The following ADRA1A variants were observed in gnomAD, a reference collection of about 807,000 sequenced individuals.
ADRA1A encodes adrenoceptor alpha 1A.
ADRA1A carries 31 observed loss-of-function variants against 29.6 expected under a neutral mutation model. The observed-to-expected ratio is 1.05, with a 90% CI of 0.79 to 1.41. ADRA1A has a LOEUF of 1.41. ADRA1A is among the 40% of genes most tolerant of loss of function. ADRA1A has a pLI of 0.00. For synonymous variants in ADRA1A, 311 were observed against 254.3 expected, an observed-to-expected ratio of 1.22 and a Z score of -2.12; for missense variants, 619 against 601.1, an observed-to-expected ratio of 1.03 and a Z score of -0.31.
rs914970049 is a variant in ADRA1A at position 26,815,615 on chromosome 8, G to C, written c.884-44949C>G. Among the ~76,000 whole-genome samples, 1 of 152,202 alleles carries C rather than the reference G, an allele frequency of 6.6e-6. No individual in the cohort carries two copies. The highest frequency in any genetic ancestry group is 2.4e-5 in the African/African-American group (1 of 41,448). On this transcript the variant is annotated intron_variant, in intron 2 of 2. Coordinates refer to ENST00000380573, the MANE Select transcript of ADRA1A (RefSeq NM_000680.4). This position sits in a 1 kb window ranked among gnomAD's most constrained non-coding sequence, Gnocchi z 4.2. ...AGAGCTAGGCCTTTAGTGAAAGGTAGATGACTAGGAACCTGATCAGTCTCA... is the reference window on the plus strand; with the variant it reads ...AGAGCTAGGCCTTTAGTGAAAGGTACATGACTAGGAACCTGATCAGTCTCA...
exon 3 of ADRA1A, chr8:26,748,597 G>A (rs1437378430): frequency 2.4e-6 from 1 of 418,276 alleles, no homozygotes; most frequent in Admixed American, 2.7e-5. Context: ...AAATTAGCTG[G>A]GCCTGGTGGC....
intron 2 of ADRA1A, among the ~76,000 whole-genome samples, chr8:26,820,655 A>T (rs1810098646): frequency 6.6e-6 from 1 of 152,184 alleles, no homozygotes; most frequent in African/African-American, 2.4e-5. Flanking sequence ...TTGTGGGCAC[A>T]TGCACCATAT....
At position 26,793,042 on chromosome 8, in the gene ADRA1A, A is replaced by G. The variant is rs540461473; in HGVS notation, c.884-22376T>C. On this transcript the variant is annotated intron_variant, in intron 2 of 2. Coordinates refer to ENST00000380573, the MANE Select transcript of ADRA1A (RefSeq NM_000680.4). ...AAATATATACTAAGCCTAGGTAAAA[A>G]AAATAAACTGAGACGGTAATATTAG... is the stretch of plus-strand genomic sequence containing the variant. Among the ~76,000 whole-genome samples the G allele has an allele frequency of 2.0e-5, 3 of 152,084 alleles. No individual in the cohort carries two copies. The South Asian group carries it at 6.2e-4, about 32-fold the overall frequency.
In ADRA1A at chr8:26,833,895, ATAATAGT is replaced by A. The variant is rs143697934; in HGVS notation, c.883+30185_883+30191del. Among the ~76,000 whole-genome samples the A allele has an allele frequency of 2.4e-3, 371 of 152,366 alleles. 4 individuals carry two copies. The highest frequency in any genetic ancestry group is 7.5e-3 in the African/African-American group (313 of 41,586). On this transcript the variant is annotated intron_variant, in intron 2 of 2. Coordinates refer to ENST00000380573, the MANE Select transcript of ADRA1A (RefSeq NM_000680.4). ...TCATGTATTTAGCATTGTTCTGGAA[ATAATAGT>A]TAATGCAATGAGCCAAGGAAAAGGT...
In ADRA1A at chr8:26,771,531, C is replaced by T. The variant is rs114946585; in HGVS notation, c.884-865G>A. Among the ~76,000 whole-genome samples the T allele has an allele frequency of 4.8e-3, 733 of 152,318 alleles. 9 individuals carry two copies. The highest frequency in any genetic ancestry group is 0.017 in the African/African-American group (700 of 41,572). On this transcript the variant is annotated intron_variant, in intron 2 of 2. Coordinates refer to ENST00000380573, the MANE Select transcript of ADRA1A (RefSeq NM_000680.4). ...ACGGCAGGAACCAGGCCTCAGGACC[C>T]GTCACATCCTGCGCAGAGACTGCCA...
chr8:26,772,933 G>A (rs900882058), intron 2 of ADRA1A, among the ~76,000 whole-genome samples: 3 of 151,904 alleles, frequency 2.0e-5, no homozygotes, highest in Admixed American at 1.3e-4. Flanking sequence ...TTATTCTTTA[G>A]CTCTAAAGCT....
At chr8:26,799,027 G>T (rs1007957039) in intron 2 of ADRA1A, among the ~76,000 whole-genome samples, 2 of 152,008 alleles carry the variant, frequency 1.3e-5, no homozygotes, top group African/African-American at 4.8e-5. Flanking sequence ...TTCAATAATG[G>T]ATGTTGAATT....
chr8:26,803,161 TG>T (rs2130493836), intron 2 of ADRA1A, among the ~76,000 whole-genome samples: 1 of 151,696 alleles, frequency 6.6e-6, no homozygotes, highest in African/African-American at 2.4e-5. Context: ...ATCTAGTATT[TG>T]ATAGCATAAC....
At chr8:26,863,639 T>G (rs1813643447) in intron 2 of ADRA1A, among the ~76,000 whole-genome samples, 1 of 152,108 alleles carries the variant, frequency 6.6e-6, no homozygotes, top group Non-Finnish European at 1.5e-5. Context: ...AATAATAAAA[T>G]CACACATTTG....
At chr8:26,814,796 T>C (rs1039952891) in intron 2 of ADRA1A, among the ~76,000 whole-genome samples, 1 of 152,250 alleles carries the variant, frequency 6.6e-6, no homozygotes, top group African/African-American at 2.4e-5. Flanking sequence ...TTCTATTTTG[T>C]ATTTTGCTGT....
intron 2 of ADRA1A, among the ~76,000 whole-genome samples, chr8:26,840,530 A>C (rs1079078): frequency 0.19 from 28,802 of 152,048 alleles, 2,895 homozygotes; most frequent in East Asian, 0.35. Flanking sequence ...TGACCACAGC[A>C]GTGGTTTGTA....
chr8:26,800,777 G>C (rs1260835201), intron 2 of ADRA1A, among the ~76,000 whole-genome samples: 1 of 151,998 alleles, frequency 6.6e-6, no homozygotes, highest in African/African-American at 2.4e-5. Flanking sequence ...GTATTACCTT[G>C]CTACCAAAAC....
At chr8:26,768,644 A>G (rs1805923254), downstream of ADRA1A, among the ~76,000 whole-genome samples, 1 of 152,220 alleles carries the variant, frequency 6.6e-6, no homozygotes. Context: ...CCCTCAGGCT[A>G]TGCATATGAG....
intron 2 of ADRA1A, among the ~76,000 whole-genome samples, chr8:26,844,021 GT>G (rs1812027669): frequency 6.6e-6 from 1 of 152,150 alleles, no homozygotes; most frequent in Non-Finnish European, 1.5e-5. Flanking sequence ...AACAAGTATT[GT>G]GATACAGGTC....
intron 2 of ADRA1A, among the ~76,000 whole-genome samples, chr8:26,800,595 A>G (rs540058867): frequency 1.3e-5 from 2 of 152,298 alleles, no homozygotes; most frequent in East Asian, 3.9e-4. Context: ...AAGTAATAAT[A>G]TCAAAGCCAT....
chr8:26,765,695 G>A (rs1486599663), downstream of ADRA1A, among the ~76,000 whole-genome samples: 2 of 152,190 alleles, frequency 1.3e-5, no homozygotes, highest in African/African-American at 4.8e-5. Context: ...CCTCCCATCT[G>A]CTTCAGTGCC....
downstream of ADRA1A, chr8:26,756,382 G>A: frequency 8.0e-7 from 1 of 1,242,692 alleles, no homozygotes; most frequent in Non-Finnish European, 1.0e-6. Flanking sequence ...AAACTGGGGT[G>A]CCTTATGGAA....
chr8:26,846,860 A>C (rs1563303272), intron 2 of ADRA1A, among the ~76,000 whole-genome samples: 1 of 152,350 alleles, frequency 6.6e-6, no homozygotes, highest in Non-Finnish European at 1.5e-5. Context: ...AAAATATGGC[A>C]CATATACACC....
chr8:26,788,993 T>TGCGGAACG (rs1328824595), intron 2 of ADRA1A, among the ~76,000 whole-genome samples: 1 of 152,170 alleles, frequency 6.6e-6, no homozygotes, highest in Admixed American at 6.6e-5. Context: ...TGCACATTTG[T>TGCGGAACG]TACACAGACA....
Sources: gnomAD v4.1 joint callset for allele counts (sites outside exome capture counted in the v4.1 genomes callset) on GRCh38, gnomAD v4.1.1 for gene constraint, Gnocchi (gnomAD v3.1) non-coding constraint, MANE v1.5 for transcripts, NCBI Gene and HGNC (gene_info 2026-07-23, HGNC 2026-07-21) for gene names.